GPC6: variants seen among roughly 807,000 people sequenced by gnomAD.
The protein encoded by GPC6 is glypican 6.
Under a neutral mutation model 55.2 loss-of-function variants are expected in GPC6, and 14 were observed. The observed-to-expected ratio is 0.25, with a 90% confidence interval of 0.17 to 0.40. GPC6 has a LOEUF of 0.40. GPC6 is among the 10% of genes least tolerant of loss of function. GPC6 has a pLI of 1.00. For missense variants in GPC6, 641 were observed against 708.5 expected (o/e 0.90, Z 1.08); for synonymous variants, 278 against 259.6 (o/e 1.07, Z -0.68).
At chr13:93,706,352 A>G (rs1368036997) in intron 2 of GPC6, among the ~76,000 whole-genome samples, 1 of 151,924 alleles carries the variant, frequency 6.6e-6, no homozygotes, top group Non-Finnish European at 1.5e-5. Context: ...ACCCAATCAT[A>G]TCAGATTAAA....
At chr13:93,532,292 G>A (rs1021787071) in intron 1 of GPC6, among the ~76,000 whole-genome samples, 2 of 151,996 alleles carry the variant, frequency 1.3e-5, no homozygotes, top group African/African-American at 4.8e-5. Context: ...AAAAATTGGT[G>A]CTGAGAAATA....
chr13:94,017,069 G>A (rs1184319152), intron 3 of GPC6, among the ~76,000 whole-genome samples: 19 of 152,126 alleles, frequency 1.2e-4, no homozygotes, highest in Admixed American at 3.3e-4. Context: ...TCCTGAACTC[G>A]TGATCCACCC....
chr13:93,650,883 C>T (rs1880381616), intron 2 of GPC6, among the ~76,000 whole-genome samples: 1 of 151,778 alleles, frequency 6.6e-6, no homozygotes, highest in East Asian at 1.9e-4. Context: ...TTTTTTTAAC[C>T]TGCTTCTGTG....
intron 4 of GPC6, among the ~76,000 whole-genome samples, chr13:94,107,540 A>C (rs1886097466): frequency 6.6e-6 from 1 of 151,276 alleles, no homozygotes; most frequent in African/African-American, 2.4e-5. Context: ...CTCAGGCAAG[A>C]CATTTCACCA....
chr13:93,254,537 G>A (rs538064172), intron 1 of GPC6, among the ~76,000 whole-genome samples: 1 of 152,154 alleles, frequency 6.6e-6, no homozygotes, highest in Non-Finnish European at 1.5e-5. Context: ...AGTGGTTCCA[G>A]ATGGAGAAAA....
At chr13:94,143,957 T>C (rs1887469587) in intron 4 of GPC6, among the ~76,000 whole-genome samples, 1 of 152,212 alleles carries the variant, frequency 6.6e-6, no homozygotes, top group African/African-American at 2.4e-5. Flanking sequence ...TCAGCGATTG[T>C]CACGTGGTTT....
At chr13:94,038,631 T>C (rs1883421775) in intron 4 of GPC6, among the ~76,000 whole-genome samples, 1 of 151,888 alleles carries the variant, frequency 6.6e-6, no homozygotes, top group African/African-American at 2.4e-5. Flanking sequence ...CTGGAGATAA[T>C]AGTACGTACC....
At chr13:94,024,224 T>A (rs867922562) in intron 3 of GPC6, among the ~76,000 whole-genome samples, 1 of 152,054 alleles carries the variant, frequency 6.6e-6, no homozygotes, top group African/African-American at 2.4e-5. Flanking sequence ...ATTTTTATAT[T>A]ACACAACAGC....
At chr13:93,911,051 G>T (rs192596987) in intron 3 of GPC6, among the ~76,000 whole-genome samples, 1 of 152,308 alleles carries the variant, frequency 6.6e-6, no homozygotes, top group Non-Finnish European at 1.5e-5. Context: ...AATAGAGAGT[G>T]TGAAGATGCT....
intron 2 of GPC6, among the ~76,000 whole-genome samples, chr13:93,777,276 T>A (rs1322965281): frequency 6.6e-6 from 1 of 152,206 alleles, no homozygotes; most frequent in African/African-American, 2.4e-5. Flanking sequence ...TTTTCTGTGT[T>A]CTTATCTCTT....
At chr13:93,356,663 C>T (rs1015687067) in intron 1 of GPC6, among the ~76,000 whole-genome samples, 4 of 152,192 alleles carry the variant, frequency 2.6e-5, no homozygotes, top group East Asian at 1.9e-4. Context: ...CAGGCAAACA[C>T]GGCCAGCAGC....
intron 5 of GPC6, among the ~76,000 whole-genome samples, chr13:94,288,136 CA>C (rs1488534382): frequency 6.6e-6 from 1 of 152,040 alleles, no homozygotes; most frequent in Admixed American, 6.6e-5. Context: ...AAAGGAGAGA[CA>C]AGACACTGAA....
chr13:94,003,737 A>G (rs536088601), intron 3 of GPC6, among the ~76,000 whole-genome samples: 1 of 152,260 alleles, frequency 6.6e-6, no homozygotes, highest in Non-Finnish European at 1.5e-5. Flanking sequence ...AGTGTGGAGT[A>G]AAAGTTCAAT....
chr13:94,372,903 A>T (rs1879642253), intron 6 of GPC6, among the ~76,000 whole-genome samples: 1 of 151,550 alleles, frequency 6.6e-6, no homozygotes, highest in Non-Finnish European at 1.5e-5. Flanking sequence ...TGGGTCCCTG[A>T]CCCCTGACCC....
At chr13:93,532,734 T>C (rs1179887354) in intron 1 of GPC6, among the ~76,000 whole-genome samples, 4 of 152,196 alleles carry the variant, frequency 2.6e-5, no homozygotes, top group East Asian at 1.9e-4. Flanking sequence ...GTCAACCAAA[T>C]GGTAAGGGCC....
intron 1 of GPC6, among the ~76,000 whole-genome samples, chr13:93,289,315 A>C (rs1363001040): frequency 6.6e-6 from 1 of 152,160 alleles, no homozygotes; most frequent in African/African-American, 2.4e-5. Flanking sequence ...AATTCGTAAA[A>C]TGCAAATAGT....
Position 94,160,073 on chromosome 13 carries a change from C to T in GPC6, c.878-126276C>T, listed in dbSNP as rs145299404. On this transcript the variant is annotated intron_variant, in intron 4 of 8. Transcript: ENST00000377047. ...TTCTGCAGTTTCAGTTTCTTATAGC[C>T]AATCATGGTCCGAAAATATTCCATA... Among the ~76,000 whole-genome samples the T allele has an allele frequency of 8.9e-3, 1,357 of 152,174 alleles. 14 individuals carry two copies. Among genetic ancestry groups the T allele is most frequent in the South Asian group, 0.038 (182 of 4,822 alleles).
At chr13:93,308,551 C>T (rs1324302596) in intron 1 of GPC6, among the ~76,000 whole-genome samples, 1 of 152,164 alleles carries the variant, frequency 6.6e-6, no homozygotes, top group South Asian at 2.1e-4. Context: ...AAGCAATTCT[C>T]CTGCCTCAGC....
Position 94,133,204 on chromosome 13 carries a change from G to A in GPC6, c.877+105310G>A, listed in dbSNP as rs1887062082. Among the ~76,000 whole-genome samples the A allele has an allele frequency of 2.3e-5, 3 of 130,264 alleles. No individual in the cohort carries two copies. In the Admixed American group the frequency reaches 2.6e-4, roughly 11 times the overall value. 85.5% of individuals were successfully genotyped at this position (130,264 alleles called of 152,430 possible). ...AATTAGACAACGACTATATGACTCT[G>A]TCTCGATTCCCATGTTTGTGAACCA... On this transcript the variant is annotated intron_variant, in intron 4 of 8. Transcript: ENST00000377047.
Sources: gnomAD v4.1 joint callset for allele counts (sites outside exome capture counted in the v4.1 genomes callset) on GRCh38, gnomAD v4.1.1 for gene constraint, MANE v1.5 for transcripts, NCBI Gene and HGNC (gene_info 2026-07-23, HGNC 2026-07-21) for gene names.